SLC35F3: variants seen among roughly 807,000 people sequenced by gnomAD.
SLC35F3 encodes solute carrier family 35 member F3, also known as putative thiamine transporter SLC35F3.
A neutral mutation model predicts 49.9 loss-of-function variants in SLC35F3; 25 were observed. The observed-to-expected ratio is 0.50, with a 90% CI of 0.37 to 0.70. The LOEUF is 0.70. Among genes scored for constraint, SLC35F3 ranks in the 30% least tolerant of loss-of-function variants. The pLI is 0.00. For missense variants in SLC35F3, 525 were observed against 639.8 expected, an observed-to-expected ratio of 0.82 and a Z score of 1.94; for synonymous variants, 275 against 265.4, an observed-to-expected ratio of 1.04 and a Z score of -0.35.
intron 3 of SLC35F3, among the ~76,000 whole-genome samples, chr1:234,289,126 G>A (rs964136051): frequency 7.9e-5 from 12 of 152,244 alleles, no homozygotes; most frequent in Non-Finnish European, 1.0e-4. Context: ...GTCCAATGAC[G>A]TCATGGCATT....
At chr1:234,143,583 C>T (rs1313580009) in intron 2 of SLC35F3, among the ~76,000 whole-genome samples, 1 of 152,144 alleles carries the variant, frequency 6.6e-6, no homozygotes, top group Non-Finnish European at 1.5e-5. Flanking sequence ...TGAGCCACCA[C>T]GCCCAGCCAA....
intron 2 of SLC35F3, among the ~76,000 whole-genome samples, chr1:234,039,042 G>T (rs1664183521): frequency 6.6e-6 from 1 of 152,204 alleles, no homozygotes; most frequent in African/African-American, 2.4e-5. Flanking sequence ...GAGATGGATG[G>T]ATATTATGAA....
intron 3 of SLC35F3, among the ~76,000 whole-genome samples, chr1:234,253,737 A>T (rs1667774123): frequency 6.6e-6 from 1 of 152,254 alleles, no homozygotes; most frequent in African/African-American, 2.4e-5. Context: ...GCATGTATAG[A>T]AAATGGACAG....
At chr1:234,081,669 G>A (rs1664877560) in intron 2 of SLC35F3, among the ~76,000 whole-genome samples, 1 of 151,928 alleles carries the variant, frequency 6.6e-6, no homozygotes, top group South Asian at 2.1e-4. Context: ...CTGTAAAAGA[G>A]AATACTCCAT....
At chr1:233,970,747 G>A (rs895443735) in intron 2 of SLC35F3, among the ~76,000 whole-genome samples, 6 of 152,244 alleles carry the variant, frequency 3.9e-5, no homozygotes, top group Middle Eastern at 3.4e-3. Context: ...GAGAGAAGAC[G>A]GCCATCTGCA....
At chr1:234,011,141 A>C (rs925565949) in intron 2 of SLC35F3, among the ~76,000 whole-genome samples, 1 of 152,212 alleles carries the variant, frequency 6.6e-6, no homozygotes, top group Non-Finnish European at 1.5e-5. Flanking sequence ...GTGAGCTACT[A>C]TACATTTATG....
intron 3 of SLC35F3, among the ~76,000 whole-genome samples, chr1:234,291,037 G>T (rs1407957298): frequency 2.0e-5 from 3 of 152,128 alleles, no homozygotes; most frequent in East Asian, 3.9e-4. Flanking sequence ...CTTCACTGGA[G>T]ACGTGAAAAA....
intron 2 of SLC35F3, among the ~76,000 whole-genome samples, chr1:234,159,832 T>A (rs543506737): frequency 5.8e-4 from 89 of 152,292 alleles, no homozygotes; most frequent in African/African-American, 2.0e-3. Flanking sequence ...ATGCTAAAAA[T>A]AATCACTACA....
chr1:233,931,142 TG>T (rs1417105341), intron 2 of SLC35F3, among the ~76,000 whole-genome samples: 1 of 152,180 alleles, frequency 6.6e-6, no homozygotes, highest in Non-Finnish European at 1.5e-5. Flanking sequence ...CAACTCAAGA[TG>T]GATTAAAGAC....
intron 2 of SLC35F3, among the ~76,000 whole-genome samples, chr1:233,926,096 T>C (rs1289676687): frequency 2.0e-5 from 3 of 152,120 alleles, no homozygotes; most frequent in African/African-American, 7.2e-5. Context: ...TTGGTGAATC[T>C]GACAGTTAGG....
intron 2 of SLC35F3, among the ~76,000 whole-genome samples, chr1:233,996,442 T>C (rs1284987591): frequency 6.6e-6 from 1 of 152,106 alleles, no homozygotes; most frequent in African/African-American, 2.4e-5. Flanking sequence ...GTGCATGTGT[T>C]ATTCCTAGTG....
chr1:234,278,193 G>A (rs562757252), intron 3 of SLC35F3, among the ~76,000 whole-genome samples: 4 of 146,276 alleles, frequency 2.7e-5, no homozygotes, highest in East Asian at 2.1e-4. Context: ...ACCCCATCTC[G>A]AAAAAAAAAT....
intron 2 of SLC35F3, among the ~76,000 whole-genome samples, chr1:233,967,150 CA>C (rs1045832632): frequency 7.9e-5 from 12 of 152,170 alleles, no homozygotes; most frequent in African/African-American, 2.9e-4. Flanking sequence ...ATCCTAAAAC[CA>C]AAATTCATTG....
intron 2 of SLC35F3, among the ~76,000 whole-genome samples, chr1:233,966,218 G>T (rs1419046348): frequency 1.3e-5 from 2 of 152,046 alleles, no homozygotes; most frequent in Non-Finnish European, 2.9e-5. Context: ...AAAGACTAGT[G>T]GTAAAGAAAA....
At chr1:234,163,868 A>G (rs1301251450) in intron 2 of SLC35F3, among the ~76,000 whole-genome samples, 2 of 152,014 alleles carry the variant, frequency 1.3e-5, no homozygotes, top group Non-Finnish European at 2.9e-5. Context: ...TCTGAGAAAC[A>G]TTTCACTTCT....
intron 3 of SLC35F3, among the ~76,000 whole-genome samples, chr1:234,276,280 C>T (rs966383039): frequency 3.3e-5 from 5 of 152,198 alleles, no homozygotes; most frequent in Admixed American, 6.5e-5. Flanking sequence ...CAACATGATG[C>T]GGCTATGGAC....
intron 2 of SLC35F3, among the ~76,000 whole-genome samples, chr1:233,954,702 AT>A (rs1662666887): frequency 6.6e-6 from 1 of 152,146 alleles, no homozygotes; most frequent in Non-Finnish European, 1.5e-5. Flanking sequence ...CCCTGCTGAG[AT>A]TAGGACAGAC....
chr1:234,239,889 T>G (rs1190251952), intron 3 of SLC35F3, among the ~76,000 whole-genome samples: 1 of 152,222 alleles, frequency 6.6e-6, no homozygotes, highest in Non-Finnish European at 1.5e-5. Context: ...AAATGGAGAC[T>G]TTAATTCCCA....
intron 2 of SLC35F3, among the ~76,000 whole-genome samples, chr1:233,976,903 G>A (rs1205912457): frequency 6.6e-6 from 1 of 152,124 alleles, no homozygotes; most frequent in Non-Finnish European, 1.5e-5. Context: ...GAGCCACCAT[G>A]CCCGGCTGGT....
Sources: gnomAD v4.1 joint callset for allele counts (sites outside exome capture counted in the v4.1 genomes callset) on GRCh38, gnomAD v4.1.1 for gene constraint, MANE v1.5 for transcripts, NCBI Gene and HGNC (gene_info 2026-07-23, HGNC 2026-07-21) for gene names.